Variants in SOX6 observed in about 807,000 individuals in gnomAD.
SOX6 encodes transcription factor SOX-6.
SOX6 carries 11 observed loss-of-function variants against 97.8 expected under a neutral mutation model. That is an observed-to-expected ratio of 0.11 (90% confidence interval 0.07 to 0.19). The LOEUF (loss-of-function observed/expected upper bound fraction) is 0.19, where lower values mean the gene tolerates loss of function less well. Ranked by LOEUF, SOX6 falls within the 10% of genes least tolerant of loss-of-function variation. SOX6 has a pLI of 1.00. For synonymous variants in SOX6, 360 were observed against 371.4 expected (o/e 0.97, Z 0.35); for missense variants, 810 against 1,039.5 (o/e 0.78, Z 3.04).
At chr11:16,088,072 T>A (rs1055716786) in intron 9 of SOX6, among the ~76,000 whole-genome samples, 2 of 152,114 alleles carry the variant, frequency 1.3e-5, no homozygotes, top group Non-Finnish European at 2.9e-5. Context: ...GCTAAAAAAT[T>A]TTTTTGCTGA....
At chr11:16,587,761 A>G (rs543945517) in intron 4 of SOX6, among the ~76,000 whole-genome samples, 18 of 152,358 alleles carry the variant, frequency 1.2e-4, no homozygotes, top group Admixed American at 9.8e-4. Context: ...GTTGCACTCC[A>G]AGATTCTGGA....
chr11:16,507,234 T>C (rs1860803435), intron 4 of SOX6, among the ~76,000 whole-genome samples: 1 of 152,132 alleles, frequency 6.6e-6, no homozygotes, highest in African/African-American at 2.4e-5. Flanking sequence ...CTGTATAGCC[T>C]GCAAACCTGT....
At chr11:16,220,295 T>G (rs1852500074) in intron 4 of SOX6, among the ~76,000 whole-genome samples, 1 of 151,942 alleles carries the variant, frequency 6.6e-6, no homozygotes. Flanking sequence ...AAAACAACAT[T>G]TTAGGTAAAA....
intron 3 of SOX6, among the ~76,000 whole-genome samples, chr11:16,236,814 A>G (rs1853038558): frequency 6.6e-6 from 1 of 152,004 alleles, no homozygotes; most frequent in African/African-American, 2.4e-5. Context: ...AAAGAGAGCT[A>G]TATGAACAAC....
intron 1 of SOX6, among the ~76,000 whole-genome samples, chr11:16,474,937 A>T (rs1315464280): frequency 2.6e-5 from 4 of 152,192 alleles, no homozygotes; most frequent in African/African-American, 9.7e-5. Context: ...TCTTACCTAG[A>T]TCTTCTGGAT....
chr11:16,320,763 A>G (rs1325437346), intron 2 of SOX6, among the ~76,000 whole-genome samples: 1 of 152,208 alleles, frequency 6.6e-6, no homozygotes, highest in Non-Finnish European at 1.5e-5. Flanking sequence ...GGTAAATTAT[A>G]TGGTACATAT....
chr11:16,397,625 C>T (rs117268681), intron 1 of SOX6: 1,836 of 151,786 alleles, frequency 0.012, 24 homozygotes, highest in South Asian at 0.041. Flanking sequence ...CAGCAGTCTG[C>T]CCAACTCATG....
chr11:16,678,810 G>A (rs1847904212), intron 3 of SOX6, among the ~76,000 whole-genome samples: 1 of 152,198 alleles, frequency 6.6e-6, no homozygotes, highest in Non-Finnish European at 1.5e-5. Flanking sequence ...TCCCATGCCT[G>A]GCTCGGTGGG....
At chr11:16,568,690 A>T (rs557701373) in intron 4 of SOX6, among the ~76,000 whole-genome samples, 1 of 152,204 alleles carries the variant, frequency 6.6e-6, no homozygotes, top group African/African-American at 2.4e-5. Flanking sequence ...ATATGCATTT[A>T]AAAAGTATCT....
Position 16,446,190 on chromosome 11 carries a change from T to C in SOX6, c.-5+30125A>G, listed in dbSNP as rs148731575. Among the ~76,000 whole-genome samples the C allele has an allele frequency of 5.3e-5, 8 of 151,610 alleles. No homozygotes were observed. In the East Asian group the frequency reaches 7.8e-4, roughly 15 times the overall value. ...AATGGAGATTATTATAAGGGTTGCATGTAAGAATGCAAAATGAAGGGGCAA... is the reference window on the plus strand; with the variant it reads ...AATGGAGATTATTATAAGGGTTGCACGTAAGAATGCAAAATGAAGGGGCAA... On this transcript the variant is annotated intron_variant, in intron 1 of 15. Transcript: ENST00000396356.
At chr11:16,454,333 C>T (rs1008313858) in intron 1 of SOX6, among the ~76,000 whole-genome samples, 6 of 152,076 alleles carry the variant, frequency 3.9e-5, no homozygotes, top group African/African-American at 1.4e-4. Flanking sequence ...TCATCAGTAG[C>T]TTCTCTTGAA....
At chr11:16,058,420 G>T (rs186694357) in intron 9 of SOX6, among the ~76,000 whole-genome samples, 460 of 152,064 alleles carry the variant, frequency 3.0e-3, no homozygotes, top group South Asian at 5.2e-3. Flanking sequence ...TAAAGTGTCT[G>T]GTATTCATTG....
chr11:16,337,468 T>C (rs1856499733), intron 2 of SOX6, among the ~76,000 whole-genome samples: 1 of 152,104 alleles, frequency 6.6e-6, no homozygotes, highest in Non-Finnish European at 1.5e-5. Flanking sequence ...TAATATCCTG[T>C]ACATTTTTCC....
chr11:16,461,566 A>G (rs2133106626), intron 1 of SOX6, among the ~76,000 whole-genome samples: 1 of 152,226 alleles, frequency 6.6e-6, no homozygotes, highest in Non-Finnish European at 1.5e-5. Flanking sequence ...CGTCTAGCCC[A>G]TATTCCCCAC....
intron 9 of SOX6, among the ~76,000 whole-genome samples, chr11:16,067,093 A>T (rs992440456): frequency 6.6e-5 from 10 of 152,212 alleles, no homozygotes; most frequent in African/African-American, 2.4e-4. Context: ...CTGATTTTAC[A>T]GGCTCATAGG....
intron 4 of SOX6, among the ~76,000 whole-genome samples, chr11:16,582,904 C>G (rs916932478): frequency 6.6e-6 from 1 of 151,816 alleles, no homozygotes; most frequent in African/African-American, 2.4e-5. Context: ...CAAATTATTC[C>G]AGAGCATAGA....
intron 3 of SOX6, chr11:16,269,961 A>G (rs771200365): frequency 6.6e-6 from 1 of 151,280 alleles, no homozygotes; most frequent in Non-Finnish European, 1.5e-5. Context: ...AAAATGTTGA[A>G]TATAGTGGTG....
At chr11:16,342,871 T>C (rs1565101927) in intron 1 of SOX6, among the ~76,000 whole-genome samples, 1 of 151,876 alleles carries the variant, frequency 6.6e-6, no homozygotes. Context: ...TACCAATTTA[T>C]AATAATCATT....
At chr11:16,510,977 G>A (rs60439454) in intron 4 of SOX6, among the ~76,000 whole-genome samples, 33,159 of 151,744 alleles carry the variant, frequency 0.22, 4,111 homozygotes, top group East Asian at 0.51. Context: ...TGATCTTGTT[G>A]AATAAAAAAA....
Sources: gnomAD v4.1 joint callset for allele counts (sites outside exome capture counted in the v4.1 genomes callset) on GRCh38, gnomAD v4.1.1 for gene constraint, MANE v1.5 for transcripts, NCBI Gene and HGNC (gene_info 2026-07-23, HGNC 2026-07-21) for gene names.